KLHL5: variants seen among roughly 807,000 people sequenced by gnomAD.
KLHL5 encodes kelch-like protein 5.
In KLHL5, 48 loss-of-function variants were observed where a neutral mutation model predicts 77.7. The observed-to-expected ratio is 0.62, with a 90% CI of 0.49 to 0.79. KLHL5 has a LOEUF of 0.79. Ranked by LOEUF, KLHL5 falls within the 30% of genes least tolerant of loss-of-function variation. The probability of loss-of-function intolerance (pLI) is 0.00; values close to 1 mark genes in which losing one functional copy is unlikely to be tolerated. For missense variants in KLHL5, 723 were observed against 859.7 expected (o/e 0.84, Z 1.99); for synonymous variants, 260 against 297.0 (o/e 0.88, Z 1.28).
In KLHL5 at chr4:39,079,517, A is replaced by C. The variant is rs564786062; in HGVS notation, c.567-1586A>C. Reference sequence around the variant, plus strand: ...GCACTATTTCTTCTGCCTGAAGGCTATTTCCAGATACCTGCATGACCAAAT... The same window carrying C: ...GCACTATTTCTTCTGCCTGAAGGCTCTTTCCAGATACCTGCATGACCAAAT... On this transcript the variant is annotated intron_variant, in intron 2 of 10. Transcript: ENST00000504108. Among the ~76,000 whole-genome samples, 3 of 152,206 alleles carry C rather than the reference A, an allele frequency of 2.0e-5. No homozygotes were observed. In the East Asian group the frequency reaches 5.8e-4, roughly 29 times the overall value.
At chr4:39,069,665 G>T (rs1029016872) in intron 1 of KLHL5, among the ~76,000 whole-genome samples, 5 of 151,310 alleles carry the variant, frequency 3.3e-5, no homozygotes, top group Admixed American at 3.3e-4. Context: ...GTTAATTTGG[G>T]GAAGTGTCCT....
intron 6 of KLHL5, among the ~76,000 whole-genome samples, chr4:39,099,361 T>G: frequency 6.6e-6 from 1 of 152,174 alleles, no homozygotes; most frequent in Non-Finnish European, 1.5e-5. Flanking sequence ...AGTATTATGC[T>G]AGAAGCTTTC....
At chr4:39,087,166 G>A (rs904379612) in intron 5 of KLHL5, among the ~76,000 whole-genome samples, 7 of 151,942 alleles carry the variant, frequency 4.6e-5, no homozygotes, top group East Asian at 3.9e-4. Flanking sequence ...CTGCCTTGGC[G>A]TCCCAAAGTG....
In KLHL5 at chr4:39,081,630, A is replaced by G. The variant is rs1410924624; in HGVS notation, c.704-333A>G. Among the ~76,000 whole-genome samples the G allele has an allele frequency of 6.6e-6, 1 of 151,888 alleles. No homozygotes were observed. Among genetic ancestry groups the G allele is most frequent in the African/African-American group, 2.4e-5 (1 of 41,340 alleles). On this transcript the variant is annotated intron_variant, in intron 3 of 10. Coordinates refer to ENST00000504108, the MANE Select transcript of KLHL5 (RefSeq NM_015990.5). The surrounding 1 kb of genome is among the most constrained non-coding windows in gnomAD (Gnocchi z 4.3). ...GCTGCAGTGAGCCATTGGTTACACCACTGCACTCCAGCCTGGGCAATAGAA... is the reference window on the plus strand; with the variant it reads ...GCTGCAGTGAGCCATTGGTTACACCGCTGCACTCCAGCCTGGGCAATAGAA...
chr4:39,106,805 C>CT (rs1722069718), intron 7 of KLHL5, among the ~76,000 whole-genome samples: 1 of 151,952 alleles, frequency 6.6e-6, no homozygotes, highest in Admixed American at 6.6e-5. Flanking sequence ...GTCATCCGGG[C>CT]TGGAGGTGTG....
At chr4:39,078,920 A>G (rs970437387) in intron 2 of KLHL5, among the ~76,000 whole-genome samples, 8 of 149,000 alleles carry the variant, frequency 5.4e-5, no homozygotes, top group Admixed American at 2.0e-4. Context: ...AAATAAAAAA[A>G]CCTTCCAAAG....
intron 2 of KLHL5, among the ~76,000 whole-genome samples, chr4:39,077,623 C>T (rs966160916): frequency 2.0e-5 from 3 of 150,518 alleles, no homozygotes; most frequent in Non-Finnish European, 2.9e-5. Flanking sequence ...CACTTTTACA[C>T]TGTTGGCAGG....
At chr4:39,138,222 T>C in the KLHL5 span, among the ~76,000 whole-genome samples, 1 of 151,996 alleles carries the variant, frequency 6.6e-6, no homozygotes, top group African/African-American at 2.4e-5. Context: ...AAAACAGAAA[T>C]ACCATTTGAC....
At position 39,062,965 on chromosome 4, in the gene KLHL5, T is replaced by G; in HGVS notation, c.313T>G (p.Trp105Gly). Reference sequence around the variant, plus strand: ...AGCAGAAGATTGTGGCGGTGCACATTGGCTGGATAGACCAGAAGTGGATGA... The same window carrying G: ...AGCAGAAGATTGTGGCGGTGCACATGGGCTGGATAGACCAGAAGTGGATGA... ...FTAEDCGGAH[W>G]LDRPEVDDGT... The change falls in exon 1 of 11, where the codon TGG (tryptophan) becomes GGG (glycine). Residue 105 changes from tryptophan (W) to glycine (G), a missense_variant. Coordinates refer to ENST00000504108, the MANE Select transcript of KLHL5 (RefSeq NM_015990.5). 1 of 1,614,140 alleles carries G rather than the reference T, an allele frequency of 6.2e-7. No homozygotes were observed.
rs1300108991 is a variant in KLHL5 at position 39,081,114 on chromosome 4, C to T, written c.578C>T (p.Ser193Phe). Residue 193 changes from serine (S) to phenylalanine (F), a missense_variant, in exon 3 of 11, where the codon TCC (serine) becomes TTC (phenylalanine). Ser to Phe is a radical substitution (Grantham distance 155). Transcript: ENST00000504108. The surrounding 1 kb of genome is among the most constrained non-coding windows in gnomAD (Gnocchi z 4.3). ...TAATGTGTTCACAGATTGGTGCTCT[C>T]CTCTGTCTCAGACTATTTTGCTGCC... ...RRIPAHRLVL[S>F]SVSDYFAAMF... The T allele has an allele frequency of 6.2e-7, 1 of 1,609,690 alleles. No individual in the cohort carries two copies. The highest frequency in any genetic ancestry group is 1.3e-5 in the African/African-American group (1 of 74,764).
intron 1 of KLHL5, among the ~76,000 whole-genome samples, chr4:39,050,529 AT>A (rs1387733683): frequency 1.3e-5 from 2 of 152,062 alleles, no homozygotes; most frequent in Non-Finnish European, 1.5e-5. Flanking sequence ...ATTTTTCTCT[AT>A]TTTGCTGTTA....
At chr4:39,056,478 GA>G (rs1717014272) in intron 1 of KLHL5, among the ~76,000 whole-genome samples, 1 of 152,170 alleles carries the variant, frequency 6.6e-6, no homozygotes, top group Non-Finnish European at 1.5e-5. Context: ...TTAACAAAGT[GA>G]AAGATTTAAC....
intron 6 of KLHL5, among the ~76,000 whole-genome samples, chr4:39,101,570 G>A (rs1032391625): frequency 7.9e-5 from 12 of 152,060 alleles, no homozygotes; most frequent in African/African-American, 2.9e-4. Context: ...GGTAAAGGCC[G>A]GGCAAAATGG....
chr4:39,068,548 A>G (rs1327811426), intron 1 of KLHL5, among the ~76,000 whole-genome samples: 1 of 151,974 alleles, frequency 6.6e-6, no homozygotes, highest in Non-Finnish European at 1.5e-5. Context: ...TCTTAGTTTT[A>G]AGCAACTGAA....
chr4:39,098,800 G>A (rs537051432), intron 6 of KLHL5, among the ~76,000 whole-genome samples: 111 of 151,924 alleles, frequency 7.3e-4, no homozygotes, highest in African/African-American at 1.1e-3. Flanking sequence ...TCCTGACCTC[G>A]TGATCTGCCC....
In KLHL5 at chr4:39,125,023, C is replaced by G. The variant is rs1371192721; in HGVS notation, c.*3957C>G. On this transcript the variant is annotated 3_prime_UTR_variant, in exon 11 of 11. Transcript: ENST00000504108. ...GGGCAAAGGACTTAAATAGACATTTCTCTAATGAAGATATACAAATGGCCG... is the reference window on the plus strand; with the variant it reads ...GGGCAAAGGACTTAAATAGACATTTGTCTAATGAAGATATACAAATGGCCG... Among the ~76,000 whole-genome samples, 4 of 152,080 alleles carry G rather than the reference C, an allele frequency of 2.6e-5. No homozygotes were observed. The highest frequency in any genetic ancestry group is 5.9e-5 in the Non-Finnish European group (4 of 68,020).
chr4:39,082,724 C>T (rs956547056), intron 4 of KLHL5, among the ~76,000 whole-genome samples: 1 of 152,012 alleles, frequency 6.6e-6, no homozygotes, highest in Non-Finnish European at 1.5e-5. Context: ...TACAACAAAC[C>T]CCCATGATAC....
At position 39,112,924 on chromosome 4, in the gene KLHL5, C is replaced by T. The variant is rs550044809; in HGVS notation, c.1689-96C>T. The T allele has an allele frequency of 1.2e-4, 123 of 1,063,970 alleles. 2 individuals carry two copies. The South Asian group carries it at 1.8e-3, about 15-fold the overall frequency. The allele number at this position is 1,063,970 out of a possible 1,614,324, so 65.9% of individuals were successfully genotyped here. On this transcript the variant is annotated intron_variant, in intron 8 of 10. Transcript: ENST00000504108. ...ACAGTGTGTTTTATAACTGATGGCA[C>T]CTTAAATTCAATGAGATAACAACAT...
Position 39,081,069 on chromosome 4 carries a change from G to A in KLHL5, c.567-34G>A. Reference sequence around the variant, plus strand: ...ATTAATGAACATCAACTCGAATGTGGTCATTGATTTTTTTTTTCCTAATGT... The same window carrying A: ...ATTAATGAACATCAACTCGAATGTGATCATTGATTTTTTTTTTCCTAATGT... On this transcript the variant is annotated intron_variant, in intron 2 of 10. Transcript: ENST00000504108. This position sits in a 1 kb window ranked among gnomAD's most constrained non-coding sequence, Gnocchi z 4.3. The A allele has an allele frequency of 6.4e-7, 1 of 1,572,856 alleles. No homozygotes were observed. The highest frequency in any genetic ancestry group is 8.6e-7 in the Non-Finnish European group (1 of 1,163,498).
Sources: gnomAD v4.1 joint callset for allele counts (sites outside exome capture counted in the v4.1 genomes callset) on GRCh38, gnomAD v4.1.1 for gene constraint, Gnocchi (gnomAD v3.1) non-coding constraint, MANE v1.5 for transcripts, NCBI Gene and HGNC (gene_info 2026-07-23, HGNC 2026-07-21) for gene names.